The following THRAP3 variants were observed in gnomAD, a reference collection of about 807,000 sequenced individuals.
THRAP3 encodes thyroid hormone receptor associated protein 3.
Under a neutral mutation model 101.0 loss-of-function variants are expected in THRAP3, and 16 were observed. The ratio of observed to expected loss-of-function variants is 0.16; its 90% confidence interval spans 0.11 to 0.24. The LOEUF (loss-of-function observed/expected upper bound fraction) is 0.24. Among genes scored for constraint, THRAP3 ranks in the 10% least tolerant of loss-of-function variants. The pLI is 1.00. For synonymous variants in THRAP3, 407 were observed against 422.6 expected (o/e 0.96, Z 0.45); for missense variants, 989 against 1,202.7 (o/e 0.82, Z 2.63).
intron 1 of THRAP3, among the ~76,000 whole-genome samples, chr1:36,240,209 C>T (rs1645138933): frequency 6.6e-6 from 1 of 152,126 alleles, no homozygotes; most frequent in Non-Finnish European, 1.5e-5. Context: ...AGGCTGTCTG[C>T]AAGCTGGGGA....
chr1:36,295,560 CCTT>C (rs1398993110), intron 8 of THRAP3, among the ~76,000 whole-genome samples: 1 of 145,666 alleles, frequency 6.9e-6, no homozygotes, highest in African/African-American at 2.8e-5. Context: ...TTCCTTCCTT[CCTT>C]CCTTCCTTCC....
intron 9 of THRAP3, among the ~76,000 whole-genome samples, chr1:36,297,713 G>T (rs2124637774): frequency 6.6e-6 from 1 of 151,558 alleles, no homozygotes; most frequent in African/African-American, 2.4e-5. Context: ...AAAGTGCTAG[G>T]ATTACAGGCA....
chr1:36,264,991 G>T (rs910923554), intron 2 of THRAP3, among the ~76,000 whole-genome samples: 2 of 152,120 alleles, frequency 1.3e-5, no homozygotes, highest in African/African-American at 4.8e-5. Flanking sequence ...CTGTGTCTCC[G>T]CATATCAGGT....
At chr1:36,275,447 C>G (rs371367024) in intron 2 of THRAP3, among the ~76,000 whole-genome samples, 1 of 150,514 alleles carries the variant, frequency 6.6e-6, no homozygotes, top group South Asian at 2.1e-4. Context: ...ACTAGCCAGG[C>G]GTGGTGGTGG....
chr1:36,208,000 C>T, the THRAP3 span, among the ~76,000 whole-genome samples: 1 of 152,148 alleles, frequency 6.6e-6, no homozygotes, highest in African/African-American at 2.4e-5. Context: ...GCCATGTTGG[C>T]CCGGCTAGTC....
intron 11 of THRAP3, among the ~76,000 whole-genome samples, chr1:36,302,202 T>C (rs766201634): frequency 1.3e-5 from 2 of 152,222 alleles, no homozygotes; most frequent in Non-Finnish European, 2.9e-5. Flanking sequence ...ATTAATACTT[T>C]TATAGGCTGA....
upstream of THRAP3, among the ~76,000 whole-genome samples, chr1:36,223,447 G>A (rs1451740586): frequency 6.6e-6 from 1 of 152,192 alleles, no homozygotes; most frequent in African/African-American, 2.4e-5. Flanking sequence ...TGTCGGGGAA[G>A]GCCCCGATAC....
chr1:36,287,682 A>G (rs965957588), intron 4 of THRAP3: 1 of 985,330 alleles, frequency 1.0e-6, no homozygotes, highest in African/African-American at 1.7e-5. Context: ...TCAGCCTATC[A>G]TGGTGAAGAG....
At chr1:36,269,987 A>T (rs546370346) in intron 2 of THRAP3, among the ~76,000 whole-genome samples, 2 of 152,246 alleles carry the variant, frequency 1.3e-5, no homozygotes, top group African/African-American at 2.4e-5. Context: ...CCAAGAATAC[A>T]GTCTGCCTGC....
intron 2 of THRAP3, among the ~76,000 whole-genome samples, chr1:36,270,791 G>A (rs1298664554): frequency 1.3e-5 from 2 of 151,690 alleles, no homozygotes; most frequent in Non-Finnish European, 1.5e-5. Flanking sequence ...TGGTCAGGCC[G>A]GTCTCCGACT....
the THRAP3 span, among the ~76,000 whole-genome samples, chr1:36,215,265 T>C: frequency 5.9e-5 from 9 of 152,136 alleles, no homozygotes; most frequent in Non-Finnish European, 1.0e-4. Context: ...TGGTTTCCCA[T>C]TGGTCTCAAT....
chr1:36,285,503 T>C (rs192336975), intron 3 of THRAP3, among the ~76,000 whole-genome samples: 365 of 152,320 alleles, frequency 2.4e-3, no homozygotes, highest in African/African-American at 8.2e-3. Context: ...TGGAAATTCA[T>C]CTTGCTCTAC....
At chr1:36,243,739 G>A (rs1056489973) in intron 1 of THRAP3, among the ~76,000 whole-genome samples, 46 of 151,528 alleles carry the variant, frequency 3.0e-4, no homozygotes, top group Non-Finnish European at 5.6e-4. Context: ...GGCGGTGGCC[G>A]GGCAGAGGGG....
intron 1 of THRAP3, among the ~76,000 whole-genome samples, chr1:36,229,401 TTTTTTTTTTTGTTTTTTTTTTG>T (rs202160972): frequency 2.6e-4 from 29 of 110,014 alleles, no homozygotes; most frequent in Middle Eastern, 9.1e-3. Flanking sequence ...TGGTCTACAG[TTTTTTTTTTTGTTTTTTTTTTG>T]TTTTTTTTTT....
At position 36,282,596 on chromosome 1, in the gene THRAP3, T is replaced by C. The variant is rs1419366480; in HGVS notation, c.33T>C (p.Ser11=). 4 of 1,614,036 alleles carry C rather than the reference T, an allele frequency of 2.5e-6. No individual in the cohort carries two copies. The highest frequency in any genetic ancestry group is 2.5e-6 in the Non-Finnish European group (3 of 1,180,018). The change falls in exon 3 of 12, where the codon TCT becomes TCC. Residue 11 remains serine (S), a synonymous_variant. Coordinates refer to ENST00000354618, the MANE Select transcript of THRAP3 (RefSeq NM_005119.4). The part of the protein sequence containing the change: MSKTNKSKSG[S]RSSRSRSASR... ...AAACAAACAAATCCAAGTCTGGATC[T>C]CGCTCTTCTCGCTCAAGATCTGCAT... is the stretch of plus-strand genomic sequence containing the variant.
chr1:36,246,859 A>G (rs1645237920), intron 1 of THRAP3, among the ~76,000 whole-genome samples: 1 of 151,578 alleles, frequency 6.6e-6, no homozygotes, highest in Non-Finnish European at 1.5e-5. Flanking sequence ...TAAATAAATA[A>G]ATAAATAAAA....
At chr1:36,250,849 C>T (rs899992180) in intron 1 of THRAP3, among the ~76,000 whole-genome samples, 1 of 152,082 alleles carries the variant, frequency 6.6e-6, no homozygotes, top group Non-Finnish European at 1.5e-5. Flanking sequence ...TGGGCTCAAG[C>T]GATTCTTGTG....
intron 9 of THRAP3, among the ~76,000 whole-genome samples, chr1:36,300,403 T>A (rs1646017524): frequency 6.6e-6 from 1 of 152,196 alleles, no homozygotes; most frequent in South Asian, 2.1e-4. Flanking sequence ...GCTATGTTGG[T>A]GTAAAGTGTT....
chr1:36,285,875 A>T (rs1645789513), intron 3 of THRAP3, among the ~76,000 whole-genome samples: 1 of 152,188 alleles, frequency 6.6e-6, no homozygotes. Flanking sequence ...TTCATCCCGC[A>T]CAAGGGGGAG....
Sources: gnomAD v4.1 joint callset for allele counts (sites outside exome capture counted in the v4.1 genomes callset) on GRCh38, gnomAD v4.1.1 for gene constraint, MANE v1.5 for transcripts, NCBI Gene and HGNC (gene_info 2026-07-23, HGNC 2026-07-21) for gene names.